STK32A: variants seen among roughly 807,000 people sequenced by gnomAD.
The protein encoded by STK32A is serine/threonine-protein kinase 32A.
STK32A carries 41 observed loss-of-function variants against 53.2 expected under a neutral mutation model. The ratio of observed to expected loss-of-function variants is 0.77; its 90% CI spans 0.60 to 1.00. The LOEUF (loss-of-function observed/expected upper bound fraction) is 1.00. STK32A is among the 50% of genes least tolerant of loss of function. The pLI is 0.00. For synonymous variants in STK32A, 166 were observed against 162.8 expected (o/e 1.02, Z -0.15); for missense variants, 458 against 485.8 (o/e 0.94, Z 0.54).
Position 147,361,592 on chromosome 5 carries a change from CA to C in STK32A, c.639del (p.Tyr214MetfsTer4), listed in dbSNP as rs1756506747. 6.2e-7 allele frequency: 1 copy of C among 1,612,826 alleles called. No individual in the cohort carries two copies. The highest frequency in any genetic ancestry group is 1.1e-5 in the South Asian group (1 of 90,902). On this transcript the variant is annotated frameshift_variant, in exon 8 of 13. Coordinates refer to ENST00000397936, the MANE Select transcript of STK32A (RefSeq NM_001112724.2). LOFTEE classifies it high-confidence loss of function. Reference sequence around the variant, plus strand: ...GACTGGTGGTCCCTGGGAGTGACGGCATATGAACTGCTGAGAGGCCGGGTAC... The same window carrying C: ...GACTGGTGGTCCCTGGGAGTGACGGCTATGAACTGCTGAGAGGCCGGGTAC... ...AVDWWSLGVT[A>X]YELLRGRRPY...
At chr5:147,276,810 G>A (rs1176967882) in intron 2 of STK32A, among the ~76,000 whole-genome samples, 1 of 152,144 alleles carries the variant, frequency 6.6e-6, no homozygotes, top group Non-Finnish European at 1.5e-5. Flanking sequence ...CTTAGTACAA[G>A]GTGTTTTCTT....
At position 147,387,700 on chromosome 5, in the gene STK32A, A is replaced by G. The variant is rs1478035623; in HGVS notation, c.*3717A>G. 6.6e-6 allele frequency: 1 copy of G among 152,266 alleles called. No individual in the cohort carries two copies. The highest frequency in any genetic ancestry group is 1.5e-5 in the Non-Finnish European group (1 of 68,048). The allele number at this position is 152,266 out of a possible 1,614,324, so 9.4% of individuals were successfully genotyped here. ...TCAGTGTGTCTGACTGATATTAAAC[A>G]CTGATATTAAAATTTCAAACTTCAC... On this transcript the variant is annotated 3_prime_UTR_variant, in exon 13 of 13. Transcript: ENST00000397936.
intron 5 of STK32A, among the ~76,000 whole-genome samples, chr5:147,324,670 G>C (rs1467379356): frequency 1.3e-5 from 2 of 152,160 alleles, no homozygotes; most frequent in Non-Finnish European, 2.9e-5. Flanking sequence ...TAGTTTCAAT[G>C]ATGATTTTAT....
chr5:147,397,710 G>A, the STK32A span: 2 of 1,614,148 alleles, frequency 1.2e-6, no homozygotes, highest in Non-Finnish European at 1.7e-6. Context: ...TCGGAGAACG[G>A]GCTGCAGGGT....
At chr5:147,399,235 G>T in the STK32A span, 1 of 1,613,808 alleles carries the variant, frequency 6.2e-7, no homozygotes, top group Non-Finnish European at 8.5e-7. Context: ...ACTGGTTTTC[G>T]TCCATTTTCC....
In STK32A at chr5:147,239,672, A is replaced by C; in HGVS notation, c.38A>C (p.Asp13Ala). Residue 13 changes from aspartate (D) to alanine (A), a missense_variant, in exon 2 of 13, where the codon GAT becomes GCT. By Grantham distance (126) the Asp-to-Ala change is moderately radical (BLOSUM62 -2). Coordinates refer to ENST00000397936, the MANE Select transcript of STK32A (RefSeq NM_001112724.2). ...ACTTCAAGAAAACCACCAGTGTTTGATGAAAATGAAGATGGTAAGAAATAT... is the reference window on the plus strand; with the variant it reads ...ACTTCAAGAAAACCACCAGTGTTTGCTGAAAATGAAGATGGTAAGAAATAT... Reference protein sequence around the residue: ...ANTSRKPPVFDENEDVNFDHF... With the variant: ...ANTSRKPPVFAENEDVNFDHF... 1 of 1,608,422 alleles carries C rather than the reference A, an allele frequency of 6.2e-7. No homozygotes were observed. Among genetic ancestry groups the C allele is most frequent in the Non-Finnish European group, 8.5e-7 (1 of 1,177,356 alleles).
chr5:147,239,769 T>C, intron 2 of STK32A, 83 bp downstream of exon 2: 1 of 1,098,534 alleles, frequency 9.1e-7, no homozygotes, highest in Non-Finnish European at 1.3e-6. Flanking sequence ...AAGTTAAGCA[T>C]AAGCATGGTC....
At chr5:147,305,614 G>T (rs1448126698) in intron 4 of STK32A, among the ~76,000 whole-genome samples, 1 of 152,030 alleles carries the variant, frequency 6.6e-6, no homozygotes, top group South Asian at 2.1e-4. Flanking sequence ...GAGAAAATGA[G>T]AAATTAAATC....
At chr5:147,394,085 G>A in the STK32A span, 2 of 1,614,126 alleles carry the variant, frequency 1.2e-6, no homozygotes, top group Non-Finnish European at 1.7e-6. Context: ...GCCACGATGC[G>A]CTTGCTGGCT....
chr5:147,248,795 C>CTT (rs1338676525), intron 2 of STK32A, among the ~76,000 whole-genome samples: 1 of 152,216 alleles, frequency 6.6e-6, no homozygotes, highest in Non-Finnish European at 1.5e-5. Context: ...ACAGTGCAAA[C>CTT]AGCTGCCATC....
downstream of STK32A, chr5:147,392,372 A>G (rs1041217453): frequency 1.3e-5 from 2 of 152,184 alleles, no homozygotes; most frequent in African/African-American, 4.8e-5. Context: ...CCCAGTGTGT[A>G]CTTTTCTCTG....
At chr5:147,374,812 C>T (rs1001017326) in intron 10 of STK32A, among the ~76,000 whole-genome samples, 2 of 152,154 alleles carry the variant, frequency 1.3e-5, no homozygotes, top group East Asian at 1.9e-4. Flanking sequence ...AGCGCACTTT[C>T]GGAAACATAA....
chr5:147,314,606 C>G (rs978661644), intron 4 of STK32A, among the ~76,000 whole-genome samples: 11 of 150,086 alleles, frequency 7.3e-5, no homozygotes, highest in African/African-American at 2.7e-4. Flanking sequence ...GATAAAGAAT[C>G]TGAGTAGTTT....
chr5:147,399,121 T>C, the STK32A span: 1 of 1,614,232 alleles, frequency 6.2e-7, no homozygotes, highest in Non-Finnish European at 8.5e-7. Context: ...TCACAGCATC[T>C]GGATCCCAGA....
chr5:147,337,723 TGAGA>T (rs993903896), intron 5 of STK32A, among the ~76,000 whole-genome samples: 6 of 152,006 alleles, frequency 3.9e-5, no homozygotes, highest in African/African-American at 1.4e-4. Context: ...GGTTGGGGGT[TGAGA>T]GAATGAAGCA....
At chr5:147,400,612 C>T in the STK32A span, 5 of 1,541,034 alleles carry the variant, frequency 3.2e-6, no homozygotes, top group Non-Finnish European at 4.4e-6. Flanking sequence ...GTGTCACCAG[C>T]CCAACTGGTG....
chr5:147,245,663 T>A (rs1753744779), intron 2 of STK32A, among the ~76,000 whole-genome samples: 1 of 152,236 alleles, frequency 6.6e-6, no homozygotes, highest in African/African-American at 2.4e-5. Context: ...GTTGGCTTAG[T>A]TAAATCAAGA....
intron 1 of STK32A, 53 bp from the exon 2 acceptor site, chr5:147,239,486 G>T: frequency 1.6e-6 from 1 of 606,080 alleles, no homozygotes; most frequent in East Asian, 2.9e-5. Context: ...TCTATACTCA[G>T]GGTGCCTAGA....
At chr5:147,315,954 A>G (rs981991060) in intron 4 of STK32A, among the ~76,000 whole-genome samples, 1 of 152,226 alleles carries the variant, frequency 6.6e-6, no homozygotes, top group Non-Finnish European at 1.5e-5. Flanking sequence ...TAATCTAAGT[A>G]TATATCCAGT....
Sources: gnomAD v4.1 joint callset for allele counts (sites outside exome capture counted in the v4.1 genomes callset) on GRCh38, gnomAD v4.1.1 for gene constraint, MANE v1.5 for transcripts, NCBI Gene and HGNC (gene_info 2026-07-23, HGNC 2026-07-21) for gene names.